ZFHX3: variants seen among roughly 807,000 people sequenced by gnomAD.
ZFHX3 encodes zinc finger homeobox 3.
In ZFHX3, 42 loss-of-function variants were observed where a neutral mutation model predicts 279.1. That is an observed-to-expected ratio of 0.15 (90% CI 0.12 to 0.19). The LOEUF is 0.19. ZFHX3 is among the 10% of genes least tolerant of loss of function. The probability of loss-of-function intolerance (pLI) is 1.00; values close to 1 mark genes in which losing one functional copy is unlikely to be tolerated. For missense variants in ZFHX3, 4,981 were observed against 4,754.0 expected (o/e 1.05, Z -1.40); for synonymous variants, 2,293 against 1,957.8 (o/e 1.17, Z -4.52).
At chr16:73,542,753 C>T (rs1441894053) in intron 2 of ZFHX3, among the ~76,000 whole-genome samples, 2 of 151,832 alleles carry the variant, frequency 1.3e-5, no homozygotes, top group Non-Finnish European at 2.9e-5. Flanking sequence ...ATGTCTCATG[C>T]AATAGTTGAG....
At chr16:73,087,924 G>A (rs941615920) in intron 8 of ZFHX3, among the ~76,000 whole-genome samples, 2 of 151,734 alleles carry the variant, frequency 1.3e-5, no homozygotes, top group East Asian at 3.9e-4. Flanking sequence ...AGCTTCCCGG[G>A]TTCAAATGAT....
At chr16:72,919,345 AG>A in intron 3 of ZFHX3, among the ~76,000 whole-genome samples, 1 of 151,838 alleles carries the variant, frequency 6.6e-6, no homozygotes. Flanking sequence ...TTTTTTGTAG[AG>A]ATGGGGGTTT....
intron 7 of ZFHX3, among the ~76,000 whole-genome samples, chr16:73,107,552 A>C (rs1030380304): frequency 6.6e-6 from 1 of 152,110 alleles, no homozygotes; most frequent in Non-Finnish European, 1.5e-5. Flanking sequence ...CTCACCCAAC[A>C]AGGTTGAGAA....
chr16:73,839,352 AAAAAAAAAAAAAAAG>A (rs1335014910), intron 1 of ZFHX3, among the ~76,000 whole-genome samples: 6 of 142,594 alleles, frequency 4.2e-5, no homozygotes, highest in African/African-American at 1.6e-4. Context: ...AAAAAAAAAA[AAAAAAAAAAAAAAAG>A]TTAGGTCTGC....
At chr16:72,865,701 A>G (rs1208486565) in intron 4 of ZFHX3, among the ~76,000 whole-genome samples, 1 of 152,092 alleles carries the variant, frequency 6.6e-6, no homozygotes, top group African/African-American at 2.4e-5. Flanking sequence ...GGTCAGGGTC[A>G]CCTCCAAACT....
chr16:72,886,445 C>G (rs2038623537), intron 4 of ZFHX3, among the ~76,000 whole-genome samples: 1 of 152,100 alleles, frequency 6.6e-6, no homozygotes, highest in African/African-American at 2.4e-5. Context: ...GGCACTGGTG[C>G]CGGGCTGCAT....
intron 2 of ZFHX3, among the ~76,000 whole-genome samples, chr16:73,589,947 A>G (rs750492378): frequency 6.6e-6 from 1 of 152,118 alleles, no homozygotes; most frequent in African/African-American, 2.4e-5. Flanking sequence ...TTTTTAAAAA[A>G]CAAGTTGACA....
intron 2 of ZFHX3, among the ~76,000 whole-genome samples, chr16:73,459,043 G>A (rs773217026): frequency 6.6e-5 from 10 of 152,150 alleles, no homozygotes; most frequent in South Asian, 2.1e-4. Context: ...ATGGGTATCA[G>A]TAAGATGGGC....
chr16:73,494,736 T>A lies in ZFHX3; in HGVS notation c.-1546-38478A>T, dbSNP rs9924439. ...CACCATGACCGGCTAATTTTTTTTT[T>A]TTTTTATTTTTAGCAGAGATGGGGT... is the stretch of plus-strand genomic sequence containing the variant. On this transcript the variant is annotated intron_variant, in intron 2 of 17. Coordinates refer to the ZFHX3 transcript ENST00000641206. 9.4e-3 allele frequency among the ~76,000 whole-genome samples: 1,432 copies of A among 152,172 alleles called. 21 individuals carry two copies. Among genetic ancestry groups the A allele is most frequent in the African/African-American group, 0.033 (1,365 of 41,518 alleles).
intron 3 of ZFHX3, chr16:73,420,889 CA>C: frequency 6.6e-6 from 1 of 152,324 alleles, no homozygotes; most frequent in South Asian, 2.1e-4. Flanking sequence ...TTAATGCCAG[CA>C]ACTGTTATCT....
At chr16:73,251,857 C>G (rs1455728202) in intron 5 of ZFHX3, among the ~76,000 whole-genome samples, 1 of 141,270 alleles carries the variant, frequency 7.1e-6, no homozygotes, top group Non-Finnish European at 1.5e-5. Context: ...ATACACACCG[C>G]ACACACGCAC....
chr16:73,483,740 T>C (rs2018916522), intron 2 of ZFHX3, among the ~76,000 whole-genome samples: 2 of 152,098 alleles, frequency 1.3e-5, no homozygotes, highest in South Asian at 2.1e-4. Context: ...AGTTTCGCTA[T>C]TGTGGATCCG....
chr16:73,005,285 T>C (rs1963661965), intron 1 of ZFHX3, among the ~76,000 whole-genome samples: 1 of 146,932 alleles, frequency 6.8e-6, no homozygotes, highest in Non-Finnish European at 1.5e-5. Context: ...AATGAGGCCA[T>C]GAGTTTGAGA....
At chr16:73,766,446 T>C (rs762903068) in intron 1 of ZFHX3, among the ~76,000 whole-genome samples, 20 of 152,164 alleles carry the variant, frequency 1.3e-4, no homozygotes, top group Admixed American at 5.2e-4. Flanking sequence ...CATCCAAGAA[T>C]AAGGGACAGC....
intron 3 of ZFHX3, among the ~76,000 whole-genome samples, chr16:72,890,217 C>A (rs1007922366): frequency 1.3e-5 from 2 of 152,110 alleles, no homozygotes; most frequent in Non-Finnish European, 2.9e-5. Flanking sequence ...GGGGGTGGTT[C>A]CCCCATGCTG....
chr16:73,704,114 G>A (rs2053280154), intron 1 of ZFHX3, among the ~76,000 whole-genome samples: 2 of 152,162 alleles, frequency 1.3e-5, no homozygotes, highest in African/African-American at 4.8e-5. Flanking sequence ...CACGTTCAGG[G>A]TGGTATGGCC....
intron 5 of ZFHX3, among the ~76,000 whole-genome samples, chr16:73,162,600 A>T (rs1174781717): frequency 6.6e-6 from 1 of 152,162 alleles, no homozygotes; most frequent in Non-Finnish European, 1.5e-5. Context: ...TAAAGCACAC[A>T]GTAAATGTAA....
intron 1 of ZFHX3, among the ~76,000 whole-genome samples, chr16:73,891,042 C>T (rs1466959041): frequency 1.3e-5 from 2 of 150,938 alleles, no homozygotes; most frequent in Non-Finnish European, 1.5e-5. Flanking sequence ...ACCTCACCCC[C>T]GCTCAGAGAA....
At chr16:73,178,430 C>G (rs116599661) in intron 5 of ZFHX3, among the ~76,000 whole-genome samples, 1 of 152,110 alleles carries the variant, frequency 6.6e-6, no homozygotes, top group Non-Finnish European at 1.5e-5. Flanking sequence ...TGAGCCACCG[C>G]GCCTGACCAT....
Sources: gnomAD v4.1 joint callset for allele counts (sites outside exome capture counted in the v4.1 genomes callset) on GRCh38, gnomAD v4.1.1 for gene constraint, MANE v1.5 for transcripts, NCBI Gene and HGNC (gene_info 2026-07-23, HGNC 2026-07-21) for gene names.